ITSN2: variants seen among roughly 807,000 people sequenced by gnomAD.
ITSN2 encodes intersectin 2.
ITSN2 carries 156 observed loss-of-function variants against 243.7 expected under a neutral mutation model. The ratio of observed to expected loss-of-function variants is 0.64; its 90% CI spans 0.56 to 0.73. ITSN2 has a LOEUF of 0.73. Ranked by LOEUF, ITSN2 falls within the 30% of genes least tolerant of loss-of-function variation. The pLI is 0.00. For synonymous variants in ITSN2, 703 were observed against 699.9 expected (o/e 1.00, Z -0.07); for missense variants, 1,801 against 1,996.1 (o/e 0.90, Z 1.86).
At chr2:24,283,432 G>A (rs927621417) in intron 17 of ITSN2, among the ~76,000 whole-genome samples, 2 of 152,092 alleles carry the variant, frequency 1.3e-5, no homozygotes, top group Non-Finnish European at 2.9e-5. Flanking sequence ...CACCATGTTG[G>A]CCACGCTGGT....
chr2:24,207,630 A>G (rs1284733727), intron 37 of ITSN2, among the ~76,000 whole-genome samples: 1 of 151,962 alleles, frequency 6.6e-6, no homozygotes, highest in African/African-American at 2.4e-5. Flanking sequence ...TCCAGAGGGA[A>G]GGCAGCGCCT....
At chr2:24,264,463 TA>T (rs1452120669) in intron 20 of ITSN2, among the ~76,000 whole-genome samples, 2 of 152,174 alleles carry the variant, frequency 1.3e-5, no homozygotes, top group African/African-American at 4.8e-5. Flanking sequence ...AAACTTTGAG[TA>T]ACCCGAAGTT....
Position 24,334,650 on chromosome 2 carries a change from G to C in ITSN2, c.-33-6535C>G, listed in dbSNP as rs1044605145. The C allele has an allele frequency of 3.3e-5, 46 of 1,409,312 alleles. No individual in the cohort carries two copies. In the South Asian group the frequency reaches 5.0e-4, roughly 15 times the overall value. The allele number at this position is 1,409,312 out of a possible 1,614,324, so 87.3% of individuals were successfully genotyped here. A position where few individuals can be genotyped will look rare whatever the true frequency, so the allele number is the denominator to read the frequency against. On this transcript the variant is annotated intron_variant, in intron 1 of 39. Coordinates refer to ENST00000355123, the MANE Select transcript of ITSN2 (RefSeq NM_006277.3). ...GTGGTGTTATACAGGAAGCAGAGTG[G>C]TTATGGTGGGCAAACTAAGCTGATT...
chr2:24,216,267 G>T, intron 31 of ITSN2, 35 bp from the exon 32 acceptor site: 1 of 1,513,508 alleles, frequency 6.6e-7, no homozygotes. Flanking sequence ...GTGTTTCTAA[G>T]TGAATGACTT....
chr2:24,330,741 G>C, intron 1 of ITSN2: 1 of 539,336 alleles, frequency 1.9e-6, no homozygotes, highest in Non-Finnish European at 3.4e-6. Flanking sequence ...TTTTTATCAA[G>C]TTTTATAAAA....
chr2:24,298,039 C>A (rs1156318327), intron 13 of ITSN2, among the ~76,000 whole-genome samples: 1 of 150,714 alleles, frequency 6.6e-6, no homozygotes, highest in Admixed American at 6.6e-5. Flanking sequence ...GGCTGGAGTG[C>A]AGTGGTGCGA....
intron 20 of ITSN2, among the ~76,000 whole-genome samples, chr2:24,266,823 A>C (rs1185612995): frequency 6.6e-6 from 1 of 151,080 alleles, no homozygotes; most frequent in Non-Finnish European, 1.5e-5. Flanking sequence ...TGTAGTCTCC[A>C]CTACTCAAGA....
At chr2:24,224,783 C>T (rs1281401628) in intron 29 of ITSN2, among the ~76,000 whole-genome samples, 3 of 152,194 alleles carry the variant, frequency 2.0e-5, no homozygotes, top group Non-Finnish European at 2.9e-5. Flanking sequence ...CAGGTGCCCA[C>T]CACACCCAGC....
At chr2:24,319,724 G>A (rs1325874997) in intron 2 of ITSN2, among the ~76,000 whole-genome samples, 1 of 152,234 alleles carries the variant, frequency 6.6e-6, no homozygotes, top group African/African-American at 2.4e-5. Context: ...ATCAACCTGT[G>A]CCCCTCTTCT....
chr2:24,277,307 C>G (rs1026640206), intron 17 of ITSN2, among the ~76,000 whole-genome samples: 1 of 152,138 alleles, frequency 6.6e-6, no homozygotes, highest in Admixed American at 6.5e-5. Context: ...TCAACCTATA[C>G]ACAATAACAC....
chr2:24,302,444 C>G (rs897222377), intron 9 of ITSN2, among the ~76,000 whole-genome samples: 4 of 152,078 alleles, frequency 2.6e-5, no homozygotes, highest in African/African-American at 7.2e-5. Flanking sequence ...GTGATCCGCC[C>G]GCCTCAGCCT....
intron 29 of ITSN2, among the ~76,000 whole-genome samples, chr2:24,237,361 T>C (rs1189695454): frequency 1.7e-4 from 1 of 5,994 alleles, no homozygotes; most frequent in African/African-American, 5.4e-4. Context: ...CTCTTTCTCA[T>C]ATAACCTGTT....
At chr2:24,259,230 A>G (rs1298450975) in intron 22 of ITSN2, among the ~76,000 whole-genome samples, 1 of 152,212 alleles carries the variant, frequency 6.6e-6, no homozygotes, top group Non-Finnish European at 1.5e-5. Flanking sequence ...AGACTGAAGA[A>G]TTATCTTTAA....
intron 13 of ITSN2, among the ~76,000 whole-genome samples, chr2:24,296,793 T>G (rs1159217345): frequency 6.6e-6 from 1 of 152,250 alleles, no homozygotes; most frequent in East Asian, 1.9e-4. Context: ...CATCCTGGGT[T>G]AAAACTTACT....
intron 3 of ITSN2, among the ~76,000 whole-genome samples, chr2:24,313,879 G>A (rs1468185913): frequency 6.6e-6 from 1 of 152,146 alleles, no homozygotes; most frequent in Non-Finnish European, 1.5e-5. Context: ...GGTGTTAGGA[G>A]AGAGAGTCCT....
chr2:24,323,062 C>T (rs1376971510), intron 2 of ITSN2, among the ~76,000 whole-genome samples: 2 of 151,614 alleles, frequency 1.3e-5, no homozygotes, highest in African/African-American at 2.4e-5. Context: ...AAAAACAACA[C>T]GGAGTGCTGA....
chr2:24,205,354 C>G (rs1668759523), intron 37 of ITSN2, 57 bp from the exon 38 acceptor site: 1 of 1,449,206 alleles, frequency 6.9e-7, no homozygotes, highest in South Asian at 1.1e-5. Flanking sequence ...CAGACCCTGT[C>G]TTTCAAACCA....
chr2:24,279,047 T>C (rs374313765), intron 17 of ITSN2, among the ~76,000 whole-genome samples: 2 of 152,242 alleles, frequency 1.3e-5, no homozygotes, highest in African/African-American at 2.4e-5. Flanking sequence ...TTTAAAATCA[T>C]AAATGGATAT....
intron 29 of ITSN2, among the ~76,000 whole-genome samples, chr2:24,238,279 G>C (rs1439306347): frequency 6.6e-6 from 1 of 152,122 alleles, no homozygotes; most frequent in African/African-American, 2.4e-5. Context: ...ATGGCCACTT[G>C]ACACTCAGTT....
Sources: allele counts gnomAD v4.1 joint callset (sites outside exome capture counted in the v4.1 genomes callset), GRCh38; gene constraint gnomAD v4.1.1; transcripts MANE v1.5; gene names NCBI Gene and HGNC (gene_info 2026-07-23, HGNC 2026-07-21).